Variants in TMEM182 observed in about 807,000 individuals in gnomAD.
TMEM182 encodes the protein transmembrane protein 182.
In TMEM182, 20 loss-of-function variants were observed where a neutral mutation model predicts 26.8. The ratio of observed to expected loss-of-function variants is 0.75; its 90% CI spans 0.53 to 1.09. The LOEUF (loss-of-function observed/expected upper bound fraction) is 1.09. Among genes scored for constraint, TMEM182 ranks in the 50% least tolerant of loss-of-function variants. TMEM182 has a pLI of 0.00. For missense variants in TMEM182, 277 were observed against 275.5 expected (o/e 1.01, Z -0.04); for synonymous variants, 109 against 102.2 (o/e 1.07, Z -0.40).
chr2:102,822,591 G>GT (rs1195431944), downstream of TMEM182, among the ~76,000 whole-genome samples: 1 of 152,148 alleles, frequency 6.6e-6, no homozygotes, highest in Non-Finnish European at 1.5e-5. Context: ...AGTGGAAAAG[G>GT]TTGTTGTGCA....
chr2:102,811,690 G>T (rs1682560419), intron 4 of TMEM182, among the ~76,000 whole-genome samples: 1 of 152,052 alleles, frequency 6.6e-6, no homozygotes, highest in Non-Finnish European at 1.5e-5. Context: ...TATTCAATGG[G>T]AAATAATGTA....
rs1185309152 is a variant in TMEM182, at chr2:102,764,395, A to G, written c.299A>G (p.Glu100Gly). 1 of 1,613,926 alleles carries G rather than the reference A, an allele frequency of 6.2e-7. No homozygotes were observed. Among genetic ancestry groups the G allele is most frequent in the South Asian group, 1.1e-5 (1 of 91,074 alleles). Residue 100 changes from glutamate (E) to glycine (G), a missense_variant, in exon 3 of 5, where the codon GAG becomes GGG. Glu to Gly is a moderately conservative substitution (Grantham distance 98). Transcript: ENST00000412401. ...YLSPYPFMRG[E>G]HNSTSYDSAV... The stretch of plus-strand genomic sequence containing the variant: ...TCTCCGTACCCCTTCATGAGAGGCG[A>G]GCACAACTCGACCTCCTATGACTCT...
chr2:102,765,688 A>G (rs980774372), intron 3 of TMEM182, among the ~76,000 whole-genome samples: 5 of 152,210 alleles, frequency 3.3e-5, no homozygotes, highest in Non-Finnish European at 7.3e-5. Flanking sequence ...CTTGTATTAC[A>G]TCATTAATAG....
At chr2:102,843,751 CTA>C (rs1683397887) in exon 4 of TMEM182, 1 of 152,270 alleles carries the variant, frequency 6.6e-6, no homozygotes, top group South Asian at 2.1e-4. Context: ...TTCTCTCCTA[CTA>C]TACCATGCCT....
chr2:102,766,706 G>T (rs937445533), intron 3 of TMEM182, among the ~76,000 whole-genome samples: 3 of 152,114 alleles, frequency 2.0e-5, no homozygotes, highest in African/African-American at 7.2e-5. Context: ...CTACTATTAA[G>T]TTTCATGTAG....
intron 3 of TMEM182, among the ~76,000 whole-genome samples, chr2:102,842,171 T>G (rs769991903): frequency 7.2e-5 from 11 of 152,160 alleles, no homozygotes; most frequent in Non-Finnish European, 1.3e-4. Context: ...TGCTCCCCCC[T>G]GCAATGACTA....
chr2:102,750,319 A>G (rs1053714229), intron 1 of TMEM182, among the ~76,000 whole-genome samples: 1 of 152,220 alleles, frequency 6.6e-6, no homozygotes, highest in African/African-American at 2.4e-5. Flanking sequence ...ATCATTGTAT[A>G]ATGTATGAGA....
At chr2:102,805,045 T>A (rs1488377142) in intron 4 of TMEM182, among the ~76,000 whole-genome samples, 1 of 152,240 alleles carries the variant, frequency 6.6e-6, no homozygotes, top group Non-Finnish European at 1.5e-5. Flanking sequence ...CCAACGTCCT[T>A]GGTCTGACAT....
intron 3 of TMEM182, among the ~76,000 whole-genome samples, chr2:102,776,549 A>G (rs769574961): frequency 2.0e-5 from 3 of 152,104 alleles, no homozygotes; most frequent in Non-Finnish European, 2.9e-5. Flanking sequence ...ATCATTGTTT[A>G]TGCATTCATC....
At chr2:102,752,668 G>T (rs1048399863) in intron 1 of TMEM182, among the ~76,000 whole-genome samples, 3 of 152,148 alleles carry the variant, frequency 2.0e-5, no homozygotes, top group Non-Finnish European at 4.4e-5. Context: ...TCTTTCCTTT[G>T]GGCCATATGA....
At chr2:102,766,772 T>C (rs149052370) in intron 3 of TMEM182, among the ~76,000 whole-genome samples, 1 of 152,356 alleles carries the variant, frequency 6.6e-6, no homozygotes, top group African/African-American at 2.4e-5. Context: ...AAATTGAAAG[T>C]ATCATTTATA....
At chr2:102,834,300 A>C in intron 3 of TMEM182, 1 of 799,706 alleles carries the variant, frequency 1.3e-6, no homozygotes, top group Non-Finnish European at 1.5e-6. Flanking sequence ...AAAGAAAAAA[A>C]CCCTCATCCA....
chr2:102,813,262 A>T (rs1682620072), intron 4 of TMEM182, among the ~76,000 whole-genome samples: 1 of 152,214 alleles, frequency 6.6e-6, no homozygotes, highest in Non-Finnish European at 1.5e-5. Flanking sequence ...TATGAAATTG[A>T]TGGCCCAGGA....
intron 3 of TMEM182, among the ~76,000 whole-genome samples, chr2:102,789,099 G>A (rs778109860): frequency 1.3e-4 from 20 of 152,312 alleles, no homozygotes; most frequent in Non-Finnish European, 1.9e-4. Context: ...CATTTGCTGC[G>A]AGGGAGGTGG....
chr2:102,806,958 A>T (rs1682371689), intron 4 of TMEM182, among the ~76,000 whole-genome samples: 1 of 152,230 alleles, frequency 6.6e-6, no homozygotes, highest in Non-Finnish European at 1.5e-5. Context: ...AATTCTTGTG[A>T]ATAAATATTT....
At chr2:102,811,677 T>C (rs1682559908) in intron 4 of TMEM182, among the ~76,000 whole-genome samples, 1 of 152,224 alleles carries the variant, frequency 6.6e-6, no homozygotes, top group South Asian at 2.1e-4. Flanking sequence ...TGAGTTCCTA[T>C]TTTATTCAAT....
At position 102,738,839 on chromosome 2, in the gene TMEM182, T is replaced by C. The variant is rs143985393; in HGVS notation, c.-83+1826T>C. On this transcript the variant is annotated intron_variant, in intron 1 of 5. Coordinates refer to the TMEM182 transcript ENST00000409173. ...GAAATTTAGACTCAAAGATGGCCTA[T>C]ATTTAATGATGTTCAGATGCCAGAG... is the stretch of plus-strand genomic sequence containing the variant. Among the ~76,000 whole-genome samples the C allele has an allele frequency of 4.7e-3, 716 of 152,314 alleles. 10 individuals are homozygous for C. The highest frequency in any genetic ancestry group is 0.017 in the African/African-American group (687 of 41,570).
chr2:102,774,662 T>G (rs1023459443), intron 3 of TMEM182, among the ~76,000 whole-genome samples: 1 of 152,184 alleles, frequency 6.6e-6, no homozygotes, highest in Admixed American at 6.5e-5. Context: ...TCTCACTCTT[T>G]TTTTGAAGAT....
At chr2:102,764,194 C>T (rs1317992153) in intron 2 of TMEM182, 135 bp from the exon 3 acceptor site, 31 of 797,052 alleles carry the variant, frequency 3.9e-5, no homozygotes, top group South Asian at 8.9e-5. Flanking sequence ...CACAACAATT[C>T]GCTGAATTTG....
Sources: allele counts gnomAD v4.1 joint callset (sites outside exome capture counted in the v4.1 genomes callset), GRCh38; gene constraint gnomAD v4.1.1; transcripts MANE v1.5; gene names NCBI Gene and HGNC (gene_info 2026-07-23, HGNC 2026-07-21).